CCDC169: variants seen among roughly 807,000 people sequenced by gnomAD.
CCDC169 encodes coiled-coil domain-containing protein 169.
CCDC169 carries 30 observed loss-of-function variants against 36.0 expected under a neutral mutation model. That is an observed-to-expected ratio of 0.83 (90% CI 0.62 to 1.13). The LOEUF (loss-of-function observed/expected upper bound fraction) is 1.13. Among genes scored for constraint, CCDC169 ranks in the 50% most tolerant of loss-of-function variants. The probability of loss-of-function intolerance (pLI) is 0.00; values close to 1 mark genes in which losing one functional copy is unlikely to be tolerated. For missense variants in CCDC169, 245 were observed against 245.9 expected (o/e 1.00, Z 0.03); for synonymous variants, 85 against 81.5 (o/e 1.04, Z -0.23).
intron 4 of CCDC169, 126 bp from the exon 5 acceptor site, chr13:36,254,269 T>TGGGTA: frequency 1.9e-6 from 1 of 522,306 alleles, no homozygotes; most frequent in Non-Finnish European, 3.1e-6. Flanking sequence ...AATTCTATGA[T>TGGGTA]ATGTACTTTT....
At chr13:36,272,651 G>A (rs1401647102) in intron 4 of CCDC169, among the ~76,000 whole-genome samples, 1 of 152,064 alleles carries the variant, frequency 6.6e-6, no homozygotes, top group Non-Finnish European at 1.5e-5. Flanking sequence ...ACCCCATAAG[G>A]TTTAATCCTA....
At chr13:36,245,578 T>C (rs1872414209) in intron 7 of CCDC169, among the ~76,000 whole-genome samples, 1 of 152,194 alleles carries the variant, frequency 6.6e-6, no homozygotes, top group Admixed American at 6.5e-5. Context: ...ATGATAGGCA[T>C]GAGCCACTGC....
chr13:36,266,877 A>G (rs952356095), intron 4 of CCDC169, among the ~76,000 whole-genome samples: 2 of 152,190 alleles, frequency 1.3e-5, no homozygotes, highest in African/African-American at 4.8e-5. Flanking sequence ...ATGGTGAGTG[A>G]GCCAGTTACA....
At chr13:36,256,885 C>T (rs1229126214) in intron 4 of CCDC169, among the ~76,000 whole-genome samples, 1 of 152,230 alleles carries the variant, frequency 6.6e-6, no homozygotes, top group Non-Finnish European at 1.5e-5. Flanking sequence ...GGTTCCCTGG[C>T]ACTAGTCCCA....
chr13:36,250,150 A>T (rs1410627), intron 6 of CCDC169, among the ~76,000 whole-genome samples: 61,633 of 152,036 alleles, frequency 0.41, 13,276 homozygotes, highest in Non-Finnish European at 0.48. Context: ...AATTGAGGGT[A>T]TGGGGGACTC....
At chr13:36,278,260 G>A (rs1201470384) in intron 4 of CCDC169, among the ~76,000 whole-genome samples, 6 of 152,140 alleles carry the variant, frequency 3.9e-5, no homozygotes, top group Non-Finnish European at 8.8e-5. Flanking sequence ...CCCTGCATGA[G>A]AGTTTAATTA....
chr13:36,273,310 T>C lies in CCDC169; in HGVS notation c.315+10159A>G, dbSNP rs191701289. On this transcript the variant is annotated intron_variant, in intron 4 of 7. Coordinates refer to ENST00000239859, the MANE Select transcript of CCDC169 (RefSeq NM_001144981.3). ...AAAATTATGATTTTACTTACACCAATTATACCCACAGTTTTCCAATTTTAC... is the reference window on the plus strand; with the variant it reads ...AAAATTATGATTTTACTTACACCAACTATACCCACAGTTTTCCAATTTTAC... 3.5e-3 allele frequency among the ~76,000 whole-genome samples: 538 copies of C among 152,342 alleles called. 5 individuals are homozygous for C. Among genetic ancestry groups the C allele is most frequent in the African/African-American group, 0.012 (510 of 41,584 alleles).
At chr13:36,283,742 C>G (rs1359687952) in intron 2 of CCDC169, 40 bp from the exon 3 acceptor site, 2 of 1,382,954 alleles carry the variant, frequency 1.4e-6, no homozygotes, top group Admixed American at 2.0e-5. Flanking sequence ...ATCACCCCAC[C>G]ACCTCTCATT....
intron 7 of CCDC169, among the ~76,000 whole-genome samples, chr13:36,235,946 A>G (rs1871023400): frequency 6.6e-6 from 1 of 152,024 alleles, no homozygotes; most frequent in Admixed American, 6.5e-5. Context: ...ATTTAGCCAA[A>G]GAATTGCAAG....
At chr13:36,239,735 A>G (rs1461182200) in intron 7 of CCDC169, among the ~76,000 whole-genome samples, 1 of 152,174 alleles carries the variant, frequency 6.6e-6, no homozygotes, top group Non-Finnish European at 1.5e-5. Context: ...ACATTAAATA[A>G]TAAGAAATGG....
chr13:36,239,897 T>C (rs749609523), intron 7 of CCDC169, among the ~76,000 whole-genome samples: 12 of 152,186 alleles, frequency 7.9e-5, no homozygotes, highest in Non-Finnish European at 1.5e-4. Context: ...ATAAGCTATT[T>C]TGAGAGAGAG....
chr13:36,227,468 G>GT (rs1869964086), downstream of CCDC169: 1 of 1,325,904 alleles, frequency 7.5e-7, no homozygotes, highest in South Asian at 2.1e-5. Context: ...CCAGTTTATT[G>GT]TATTTTTACA....
At chr13:36,285,624 T>TACAC (rs1419097999) in intron 2 of CCDC169, among the ~76,000 whole-genome samples, 3 of 151,388 alleles carry the variant, frequency 2.0e-5, no homozygotes, top group African/African-American at 7.3e-5. Context: ...GATAGATACA[T>TACAC]AGATACATAG....
chr13:36,227,475 T>TACAC (rs138475016), downstream of CCDC169: 4,886 of 1,113,238 alleles, frequency 4.4e-3, no homozygotes, highest in South Asian at 5.0e-3. Context: ...ATTGTATTTT[T>TACAC]ACACACACAC....
At chr13:36,276,489 T>C (rs1876843006) in intron 4 of CCDC169, among the ~76,000 whole-genome samples, 1 of 152,190 alleles carries the variant, frequency 6.6e-6, no homozygotes, top group Non-Finnish European at 1.5e-5. Flanking sequence ...TCCTAAATAA[T>C]GTTTCTCTGT....
intron 7 of CCDC169, among the ~76,000 whole-genome samples, chr13:36,238,717 T>C (rs1871378042): frequency 6.6e-6 from 1 of 152,160 alleles, no homozygotes; most frequent in Non-Finnish European, 1.5e-5. Context: ...ACTAACATGA[T>C]GACACAAGTG....
At chr13:36,237,525 G>A (rs1871240413) in intron 7 of CCDC169, among the ~76,000 whole-genome samples, 2 of 152,134 alleles carry the variant, frequency 1.3e-5, no homozygotes, top group Non-Finnish European at 2.9e-5. Flanking sequence ...GTGAAGAGGT[G>A]TAAACATGTA....
chr13:36,243,835 T>G (rs1219288737), intron 7 of CCDC169, among the ~76,000 whole-genome samples: 1 of 151,964 alleles, frequency 6.6e-6, no homozygotes, highest in African/African-American at 2.4e-5. Context: ...TAAAATAAAC[T>G]TCCTACATGC....
At chr13:36,236,393 T>C (rs900931362) in intron 7 of CCDC169, among the ~76,000 whole-genome samples, 3 of 151,952 alleles carry the variant, frequency 2.0e-5, no homozygotes, top group African/African-American at 7.2e-5. Context: ...GAGCATTTAA[T>C]TGGCAAAGGA....
Sources: allele counts gnomAD v4.1 joint callset (sites outside exome capture counted in the v4.1 genomes callset), GRCh38; gene constraint gnomAD v4.1.1; transcripts MANE v1.5; gene names NCBI Gene and HGNC (gene_info 2026-07-23, HGNC 2026-07-21).